FRMD6: variants seen among roughly 807,000 people sequenced by gnomAD.
FRMD6 encodes the protein FERM domain-containing protein 6.
Under a neutral mutation model 73.2 loss-of-function variants are expected in FRMD6, and 37 were observed. The observed-to-expected ratio is 0.51, with a 90% CI of 0.39 to 0.66. FRMD6 has a LOEUF of 0.66. Among genes scored for constraint, FRMD6 ranks in the 30% least tolerant of loss-of-function variants. The probability of loss-of-function intolerance (pLI) is 0.00; values close to 1 mark genes in which losing one functional copy is unlikely to be tolerated. For missense variants in FRMD6, 714 were observed against 780.5 expected (o/e 0.91, Z 1.02); for synonymous variants, 273 against 282.2 (o/e 0.97, Z 0.33).
chr14:51,720,273 A>T lies in FRMD6; in HGVS notation c.1243A>T (p.Ser415Cys). 1.2e-6 allele frequency: 2 copies of T among 1,614,014 alleles called. No individual in the cohort carries two copies. Among genetic ancestry groups the T allele is most frequent in the Non-Finnish European group, 1.7e-6 (2 of 1,179,980 alleles). ...DTGPEDSYSS[S>C]AIHRKLKTCS... ...GGGGCCAGAAGACAGCTACTCCAGC[A>T]GTGCCATCCACCGCAAGCTGAAAAC... is the stretch of plus-strand genomic sequence containing the variant. The change falls in exon 11 of 14, where the codon AGT (serine) becomes TGT (cysteine). Residue 415 changes from serine to cysteine, a missense_variant. By Grantham distance (112) the Ser-to-Cys change is moderately radical. Coordinates refer to ENST00000344768, the MANE Select transcript of FRMD6 (RefSeq NM_001267046.2).
At chr14:51,705,411 C>T (rs1273377540) in intron 6 of FRMD6, among the ~76,000 whole-genome samples, 8 of 152,088 alleles carry the variant, frequency 5.3e-5, no homozygotes, top group Admixed American at 3.9e-4. Flanking sequence ...GTTATTCCAA[C>T]GTGAACTGTC....
chr14:51,492,016 G>T (rs971015752), intron 1 of FRMD6, among the ~76,000 whole-genome samples: 1 of 152,300 alleles, frequency 6.6e-6, no homozygotes, highest in South Asian at 2.1e-4. Flanking sequence ...TTACAAACAA[G>T]GGCTGTGCAT....
At chr14:51,533,156 A>C (rs1223014975) in intron 1 of FRMD6, among the ~76,000 whole-genome samples, 1 of 152,178 alleles carries the variant, frequency 6.6e-6, no homozygotes, top group East Asian at 1.9e-4. Context: ...CAAAGAGAGG[A>C]CCATTCAGAG....
chr14:51,698,576 G>A (rs538293193), intron 3 of FRMD6, among the ~76,000 whole-genome samples: 1 of 151,976 alleles, frequency 6.6e-6, no homozygotes, highest in Non-Finnish European at 1.5e-5. Context: ...GGAATACTTA[G>A]GAAAGTAATT....
intron 1 of FRMD6, among the ~76,000 whole-genome samples, chr14:51,674,681 G>A (rs543941647): frequency 3.9e-4 from 59 of 152,064 alleles, no homozygotes; most frequent in Non-Finnish European, 6.9e-4. Flanking sequence ...ATTTGTGTAG[G>A]GTAAGGTGTA....
At chr14:51,721,761 G>GGGAAGGAGGGTAGGAGGGAAGGAA (rs1897625262) in intron 11 of FRMD6, among the ~76,000 whole-genome samples, 188 bp from the exon 12 acceptor site, 1 of 137,236 alleles carries the variant, frequency 7.3e-6, no homozygotes, top group African/African-American at 2.9e-5. Context: ...GAAGGAAGGA[G>GGGAAGGAGGGTAGGAGGGAAGGAA]GGAAGGAGGG....
chr14:51,512,774 C>A (rs1884391134), intron 1 of FRMD6, among the ~76,000 whole-genome samples: 1 of 152,128 alleles, frequency 6.6e-6, no homozygotes, highest in African/African-American at 2.4e-5. Flanking sequence ...CAACTCTGGT[C>A]ATGTGATCAG....
At chr14:51,641,002 GCT>G (rs1184291628) in intron 2 of FRMD6, among the ~76,000 whole-genome samples, 1 of 149,708 alleles carries the variant, frequency 6.7e-6, no homozygotes, top group African/African-American at 2.5e-5. Flanking sequence ...ACAGAGTCTT[GCT>G]CTGTCACCCA....
At chr14:51,623,924 A>C (rs967050957) in intron 2 of FRMD6, among the ~76,000 whole-genome samples, 1 of 152,214 alleles carries the variant, frequency 6.6e-6, no homozygotes, top group Non-Finnish European at 1.5e-5. Context: ...AGAGTCAAAG[A>C]ATTTTCTGTG....
chr14:51,517,482 C>T (rs1374783640), intron 1 of FRMD6, among the ~76,000 whole-genome samples: 1 of 152,102 alleles, frequency 6.6e-6, no homozygotes, highest in Non-Finnish European at 1.5e-5. Context: ...CAATAAGAAT[C>T]TAGAAATGTA....
the FRMD6 span, among the ~76,000 whole-genome samples, chr14:51,441,589 C>G: frequency 3.9e-5 from 6 of 152,152 alleles, no homozygotes; most frequent in East Asian, 1.9e-4. Context: ...TACTAGGAGC[C>G]TTGGTCCAGT....
intron 1 of FRMD6, among the ~76,000 whole-genome samples, chr14:51,490,616 T>TTGTGTGTG (rs58046471): frequency 7.4e-4 from 109 of 148,118 alleles, no homozygotes; most frequent in South Asian, 3.9e-3. Flanking sequence ...TGTGTGTATT[T>TTGTGTGTG]TGTGTGTGTG....
chr14:51,634,042 C>A (rs554664147), intron 2 of FRMD6, among the ~76,000 whole-genome samples: 5 of 152,170 alleles, frequency 3.3e-5, no homozygotes, highest in African/African-American at 7.2e-5. Context: ...AGCAGATCAA[C>A]GACATGATTA....
intron 1 of FRMD6, among the ~76,000 whole-genome samples, chr14:51,548,440 C>T (rs1886597512): frequency 6.6e-6 from 1 of 152,172 alleles, no homozygotes; most frequent in Admixed American, 6.5e-5. Flanking sequence ...CTGCAGCATG[C>T]AGTAAACATG....
the FRMD6 span, among the ~76,000 whole-genome samples, chr14:51,409,943 G>T: frequency 6.6e-6 from 1 of 152,068 alleles, no homozygotes; most frequent in East Asian, 1.9e-4. Flanking sequence ...AAATCATCTG[G>T]CATCCTTGCT....
At chr14:51,554,484 G>A (rs534195201) in intron 1 of FRMD6, among the ~76,000 whole-genome samples, 11 of 152,238 alleles carry the variant, frequency 7.2e-5, no homozygotes, top group Non-Finnish European at 1.5e-4. Context: ...TACCTCAACC[G>A]GGTGCTCAAG....
At chr14:51,634,884 C>T (rs1399408026) in intron 2 of FRMD6, among the ~76,000 whole-genome samples, 1 of 152,096 alleles carries the variant, frequency 6.6e-6, no homozygotes, top group Non-Finnish European at 1.5e-5. Flanking sequence ...TATATTTTTT[C>T]CAGGTCTAAA....
the FRMD6 span, among the ~76,000 whole-genome samples, chr14:51,435,837 T>C: frequency 7.0e-3 from 1,065 of 152,320 alleles, 14 homozygotes; most frequent in African/African-American, 0.025. Context: ...TGACACTAAT[T>C]ACCTTGATTT....
At chr14:51,479,375 C>T in the FRMD6 span, among the ~76,000 whole-genome samples, 1 of 152,156 alleles carries the variant, frequency 6.6e-6, no homozygotes, top group Non-Finnish European at 1.5e-5. Context: ...TATAAATGAC[C>T]ACCCAACTAT....
Sources: gnomAD v4.1 joint callset for allele counts (sites outside exome capture counted in the v4.1 genomes callset) on GRCh38, gnomAD v4.1.1 for gene constraint, MANE v1.5 for transcripts, NCBI Gene and HGNC (gene_info 2026-07-23, HGNC 2026-07-21) for gene names.